The following GRK7 variants were observed in gnomAD, a reference collection of about 807,000 sequenced individuals.
GRK7 encodes rhodopsin kinase GRK7.
Under a neutral mutation model 34.1 loss-of-function variants are expected in GRK7, and 24 were observed. The ratio of observed to expected loss-of-function variants is 0.70; its 90% CI spans 0.51 to 0.99. The LOEUF is 0.99. Among genes scored for constraint, GRK7 ranks in the 50% least tolerant of loss-of-function variants. The pLI, the probability that GRK7 is intolerant of heterozygous loss-of-function variation, is 0.00. For missense variants in GRK7, 644 were observed against 707.3 expected (o/e 0.91, Z 1.02); for synonymous variants, 256 against 279.4 (o/e 0.92, Z 0.84).
At chr3:141,816,578 T>C (rs1711155496) in intron 5 of GRK7, 136 bp from the exon 6 acceptor site, 2 of 500,616 alleles carry the variant, frequency 4.0e-6, no homozygotes, top group African/African-American at 2.0e-5. Flanking sequence ...TTTTCAGTTA[T>C]TCTTTATGTT....
chr3:141,785,209 T>G (rs1188352572), intron 4 of GRK7, among the ~76,000 whole-genome samples: 1 of 152,264 alleles, frequency 6.6e-6, no homozygotes, highest in Non-Finnish European at 1.5e-5. Context: ...TAAGGCATCA[T>G]GGCTTTGGAA....
intron 5 of GRK7, among the ~76,000 whole-genome samples, chr3:141,811,833 T>C (rs1399806245): frequency 2.6e-5 from 4 of 152,220 alleles, no homozygotes; most frequent in Non-Finnish European, 4.4e-5. Context: ...CCTTCTCCTT[T>C]AGACATCACT....
intron 4 of GRK7, among the ~76,000 whole-genome samples, chr3:141,794,491 A>C (rs994959541): frequency 3.3e-5 from 5 of 152,236 alleles, no homozygotes; most frequent in Non-Finnish European, 5.9e-5. Context: ...ATGTGGTTCA[A>C]ATGAAGATGG....
Position 141,765,638 on chromosome 3 carries a change from G to A in GRK7, c.-315G>A, listed in dbSNP as rs1260523420. 6.6e-6 allele frequency among the ~76,000 whole-genome samples: 1 copy of A among 152,078 alleles called. No individual in the cohort carries two copies. Among genetic ancestry groups the A allele is most frequent in the Non-Finnish European group, 1.5e-5 (1 of 68,012 alleles). On this transcript the variant is annotated 5_prime_UTR_variant, in exon 1 of 6. Coordinates refer to ENST00000682958, the MANE Select transcript of GRK7 (RefSeq NM_139209.3). Reference sequence around the variant, plus strand: ...GGCCATCATGCTTTGAGGAAGCCCAGGAGGAAACACTGCAGAGAGGCTCAA... The same window carrying A: ...GGCCATCATGCTTTGAGGAAGCCCAAGAGGAAACACTGCAGAGAGGCTCAA...
upstream of GRK7, among the ~76,000 whole-genome samples, chr3:141,760,364 C>T (rs1383174169): frequency 2.8e-5 from 4 of 140,872 alleles, no homozygotes; most frequent in South Asian, 2.5e-4. Flanking sequence ...GCCTTCATTT[C>T]GTTATGTACC....
In GRK7 at chr3:141,778,596, C is replaced by G. The variant is rs778266106; in HGVS notation, c.312C>G (p.Ser104Arg). 3.7e-6 allele frequency: 6 copies of G among 1,612,596 alleles called. No homozygotes were observed. The highest frequency in any genetic ancestry group is 1.3e-5 in the African/African-American group (1 of 74,948). Residue 104 changes from serine to arginine, a missense_variant, in exon 3 of 6, where the codon AGC (serine) becomes AGG (arginine). Coordinates refer to ENST00000682958, the MANE Select transcript of GRK7 (RefSeq NM_139209.3). This position sits in a 1 kb window ranked among gnomAD's most constrained non-coding sequence, Gnocchi z 4.1. ...ELAEEGPTKD[S>R]ALQGLVATCA... ...CCGAGGAGGGACCCACCAAAGACAG[C>G]GCGCTGCAGGGGCTGGTGGCCACTT...
chr3:141,779,409 C>CAAAAAAAAAAA (rs10626329), intron 3 of GRK7, among the ~76,000 whole-genome samples: 4 of 96,436 alleles, frequency 4.1e-5, no homozygotes, highest in East Asian at 3.1e-4. Context: ...GAGCAAGACT[C>CAAAAAAAAAAA]AAAAAAAAAA....
intron 4 of GRK7, among the ~76,000 whole-genome samples, chr3:141,794,002 AC>A (rs879341591): frequency 1.3e-5 from 2 of 151,966 alleles, no homozygotes; most frequent in Non-Finnish European, 2.9e-5. Flanking sequence ...CATGTGCCTG[AC>A]CCCAGCCCTC....
At chr3:141,756,008 T>TAA in the GRK7 span, among the ~76,000 whole-genome samples, 3 of 137,556 alleles carry the variant, frequency 2.2e-5, no homozygotes, top group South Asian at 2.3e-4. Context: ...CTCAGCAGTT[T>TAA]AAAAAAAAAA....
At chr3:141,776,605 A>C (rs2084640520) in intron 2 of GRK7, among the ~76,000 whole-genome samples, 1 of 152,232 alleles carries the variant, frequency 6.6e-6, no homozygotes, top group Non-Finnish European at 1.5e-5. Flanking sequence ...TTTCCAGCGC[A>C]GCGGTGCAAA....
chr3:141,809,043 A>G (rs746600037), intron 5 of GRK7, among the ~76,000 whole-genome samples: 1 of 151,894 alleles, frequency 6.6e-6, no homozygotes, highest in African/African-American at 2.4e-5. Context: ...TCCACTAAAA[A>G]TACAAAAAAA....
intron 3 of GRK7, among the ~76,000 whole-genome samples, chr3:141,779,519 A>G (rs974896041): frequency 5.9e-5 from 9 of 152,212 alleles, no homozygotes; most frequent in Non-Finnish European, 8.8e-5. Context: ...TTTTTAAGTA[A>G]TAAAAAATAT....
intron 4 of GRK7, among the ~76,000 whole-genome samples, chr3:141,792,734 C>A (rs1559844215): frequency 6.6e-6 from 1 of 152,196 alleles, no homozygotes; most frequent in African/African-American, 2.4e-5. Context: ...AACTCCAAAT[C>A]TTCAAAGTGA....
intron 4 of GRK7, among the ~76,000 whole-genome samples, chr3:141,787,207 G>A (rs2084700616): frequency 6.6e-6 from 1 of 152,164 alleles, no homozygotes; most frequent in Non-Finnish European, 1.5e-5. Context: ...GGAACTGCAA[G>A]CTAATAAATG....
the GRK7 span, among the ~76,000 whole-genome samples, chr3:141,753,546 G>A: frequency 6.6e-6 from 1 of 152,128 alleles, no homozygotes. Flanking sequence ...TAGGGTTGGC[G>A]CTCCCATGAG....
intron 1 of GRK7, among the ~76,000 whole-genome samples, chr3:141,771,445 G>C (rs1383725753): frequency 7.4e-6 from 1 of 135,090 alleles, no homozygotes; most frequent in Non-Finnish European, 1.6e-5. Flanking sequence ...CTAAAGTCTA[G>C]GAAGGATGGG....
chr3:141,789,663 A>AAAAAAAAAAAACAAAAAAAC (rs796539386), intron 4 of GRK7, among the ~76,000 whole-genome samples: 1 of 146,770 alleles, frequency 6.8e-6, no homozygotes, highest in African/African-American at 2.6e-5. Context: ...GGGCAAAAAA[A>AAAAAAAAAAAACAAAAAAAC]AAAAAAACAC....
At chr3:141,806,947 T>C (rs1264610351) in intron 4 of GRK7, among the ~76,000 whole-genome samples, 2 of 151,786 alleles carry the variant, frequency 1.3e-5, no homozygotes. Flanking sequence ...AATATGTATG[T>C]ATATATATAA....
chr3:141,785,209 T>C (rs1188352572), intron 4 of GRK7, among the ~76,000 whole-genome samples: 1 of 152,264 alleles, frequency 6.6e-6, no homozygotes, highest in African/African-American at 2.4e-5. Context: ...TAAGGCATCA[T>C]GGCTTTGGAA....
Sources: gnomAD v4.1 joint callset for allele counts (sites outside exome capture counted in the v4.1 genomes callset) on GRCh38, gnomAD v4.1.1 for gene constraint, Gnocchi (gnomAD v3.1) non-coding constraint, MANE v1.5 for transcripts, NCBI Gene and HGNC (gene_info 2026-07-23, HGNC 2026-07-21) for gene names.